The following NRXN1 variants were observed in gnomAD, a reference collection of about 807,000 sequenced individuals.
The protein encoded by NRXN1 is neurexin 1.
A neutral mutation model predicts 150.9 loss-of-function variants in NRXN1; 39 were observed. The observed-to-expected ratio is 0.26, with a 90% CI of 0.20 to 0.34. The LOEUF (loss-of-function observed/expected upper bound fraction) is 0.34, where lower values mean the gene tolerates loss of function less well. Ranked by LOEUF, NRXN1 falls within the 10% of genes least tolerant of loss-of-function variation. The pLI, the probability that NRXN1 is intolerant of heterozygous loss-of-function variation, is 1.00. For synonymous variants in NRXN1, 924 were observed against 757.0 expected (o/e 1.22, Z -3.62); for missense variants, 1,815 against 1,949.9 (o/e 0.93, Z 1.30).
chr2:50,034,309 G>T (rs2152570643), intron 21 of NRXN1, among the ~76,000 whole-genome samples: 1 of 152,192 alleles, frequency 6.6e-6, no homozygotes, highest in South Asian at 2.1e-4. Context: ...ATACTATGCA[G>T]CCATAAAAAA....
chr2:50,745,823 A>C (rs937516347), intron 5 of NRXN1, among the ~76,000 whole-genome samples: 2 of 152,262 alleles, frequency 1.3e-5, no homozygotes, highest in Non-Finnish European at 2.9e-5. Flanking sequence ...AACTACCCCC[A>C]TGATTCAATT....
Position 50,161,889 on chromosome 2 carries a change from C to T in NRXN1, c.3547-70395G>A, listed in dbSNP as rs114700534. Reference sequence around the variant, plus strand: ...GGAAAGGAAAGAAGGGAGGGGATGACGAAGTTTTGGAATTTTCTTTTGCAA... The same window carrying T: ...GGAAAGGAAAGAAGGGAGGGGATGATGAAGTTTTGGAATTTTCTTTTGCAA... On this transcript the variant is annotated intron_variant, in intron 18 of 22. Transcript: ENST00000401669. 1.3e-3 allele frequency among the ~76,000 whole-genome samples: 192 copies of T among 152,038 alleles called. 2 individuals are homozygous for T. Among genetic ancestry groups the T allele is most frequent in the African/African-American group, 4.3e-3 (177 of 41,490 alleles).
intron 18 of NRXN1, among the ~76,000 whole-genome samples, chr2:50,154,304 A>T (rs985205884): frequency 1.3e-5 from 2 of 151,742 alleles, no homozygotes; most frequent in Non-Finnish European, 2.9e-5. Context: ...AGAAATCATC[A>T]CTAAATCATT....
chr2:50,713,981 T>C (rs1033990026), intron 5 of NRXN1, among the ~76,000 whole-genome samples: 1 of 152,122 alleles, frequency 6.6e-6, no homozygotes, highest in Admixed American at 6.6e-5. Context: ...ACGATATAAA[T>C]ATTGAAGGAA....
chr2:50,685,942 T>C (rs534272661), intron 5 of NRXN1, among the ~76,000 whole-genome samples: 8 of 152,240 alleles, frequency 5.3e-5, no homozygotes, highest in African/African-American at 1.4e-4. Flanking sequence ...ATCAAAAATA[T>C]AGATCTTGCT....
intron 5 of NRXN1, among the ~76,000 whole-genome samples, chr2:50,887,014 G>C (rs1466695600): frequency 1.3e-5 from 2 of 151,246 alleles, no homozygotes; most frequent in East Asian, 3.9e-4. Flanking sequence ...AACTACAATA[G>C]AAAATAGGGG....
chr2:50,486,263 C>T (rs764909764), intron 15 of NRXN1, among the ~76,000 whole-genome samples: 9 of 152,020 alleles, frequency 5.9e-5, no homozygotes, highest in South Asian at 4.2e-4. Flanking sequence ...TTGATAATAA[C>T]GAGGATGATG....
intron 5 of NRXN1, among the ~76,000 whole-genome samples, chr2:50,819,548 C>G (rs1027223997): frequency 6.6e-6 from 1 of 151,948 alleles, no homozygotes; most frequent in Non-Finnish European, 1.5e-5. Context: ...TAGGGAGTTG[C>G]TGTTCAATGG....
In NRXN1 at chr2:50,358,039, C is replaced by A. The variant is rs569148320; in HGVS notation, c.3364+107403G>T. On this transcript the variant is annotated intron_variant, in intron 17 of 22. Coordinates refer to ENST00000401669, the MANE Select transcript of NRXN1 (RefSeq NM_001330078.2). ...AGGGACTGTGCCATGAGGGATGGTG[C>A]TATCCAGCCCACGCACTAGGCTTTT... Among the ~76,000 whole-genome samples, 5 of 152,274 alleles carry A rather than the reference C, an allele frequency of 3.3e-5. No homozygotes were observed. The East Asian group carries it at 9.7e-4, about 30-fold the overall frequency.
intron 8 of NRXN1, among the ~76,000 whole-genome samples, chr2:50,563,915 C>A (rs899520586): frequency 6.6e-6 from 1 of 152,038 alleles, no homozygotes; most frequent in African/African-American, 2.4e-5. Context: ...AGCCTGCAAA[C>A]GAAACAGGAA....
At chr2:50,828,764 G>A (rs1441636108) in intron 5 of NRXN1, among the ~76,000 whole-genome samples, 1 of 151,720 alleles carries the variant, frequency 6.6e-6, no homozygotes, top group Non-Finnish European at 1.5e-5. Flanking sequence ...CAGGCAGAGG[G>A]GCTCCTCATG....
rs557510464 is a variant in NRXN1 at position 50,952,694 on chromosome 2, G to C, written c.773-26739C>G. Among the ~76,000 whole-genome samples, 3 of 152,242 alleles carry C rather than the reference G, an allele frequency of 2.0e-5. No homozygotes were observed. In the East Asian group the frequency reaches 5.8e-4, roughly 29 times the overall value. On this transcript the variant is annotated intron_variant, in intron 2 of 22. Transcript: ENST00000401669. ...AGCATGTTTCAAAATGTCTGTGGTG[G>C]GATAAATAGATCAGCAACACACCAG...
Position 49,993,077 on chromosome 2 carries a change from G to A in NRXN1, c.4129-49286C>T, listed in dbSNP as rs148365712. 8.5e-3 allele frequency among the ~76,000 whole-genome samples: 1,289 copies of A among 152,264 alleles called. 18 individuals are homozygous for A. Among genetic ancestry groups the A allele is most frequent in the African/African-American group, 0.029 (1,210 of 41,548 alleles). ...TGCTTGGTATTTACTCCCAAAAGTT[G>A]AAAACTTACGTTCACACAAAAACCT... On this transcript the variant is annotated intron_variant, in intron 21 of 22. Transcript: ENST00000401669.
rs150069527 is a variant in NRXN1, at chr2:50,014,573, G to A, written c.4128+38698C>T. On this transcript the variant is annotated intron_variant, in intron 21 of 22. Coordinates refer to ENST00000401669, the MANE Select transcript of NRXN1 (RefSeq NM_001330078.2). ...TGTCTCCAGACATTGCCAAATACTC[G>A]AGGGCAAAATCTCCCTAGTTGAGAA... Among the ~76,000 whole-genome samples the A allele has an allele frequency of 1.7e-3, 257 of 152,178 alleles. 8 individuals are homozygous for A. The East Asian group carries it at 0.046, about 27-fold the overall frequency.
chr2:50,882,762 T>G (rs1679640709), intron 5 of NRXN1, among the ~76,000 whole-genome samples: 1 of 151,870 alleles, frequency 6.6e-6, no homozygotes, highest in East Asian at 1.9e-4. Flanking sequence ...CCATAAATTA[T>G]TATGTACCTT....
intron 21 of NRXN1, chr2:50,023,762 G>C (rs1163544898): frequency 1.3e-5 from 2 of 152,088 alleles, no homozygotes; most frequent in African/African-American, 4.8e-5. Flanking sequence ...ATCATGGTGG[G>C]TTGGATGAGG....
chr2:50,211,218 C>A (rs1176056368), intron 18 of NRXN1, among the ~76,000 whole-genome samples: 3 of 151,620 alleles, frequency 2.0e-5, no homozygotes, highest in African/African-American at 7.3e-5. Context: ...ATAGGAACTG[C>A]TGAAAAACCT....
intron 17 of NRXN1, among the ~76,000 whole-genome samples, chr2:50,453,340 A>G (rs1195669132): frequency 6.6e-6 from 1 of 152,170 alleles, no homozygotes; most frequent in Non-Finnish European, 1.5e-5. Context: ...AATGTTGACA[A>G]TGCTGATCCA....
chr2:50,693,267 C>G (rs533667492), intron 5 of NRXN1, among the ~76,000 whole-genome samples: 8 of 152,104 alleles, frequency 5.3e-5, no homozygotes, highest in Non-Finnish European at 1.2e-4. Flanking sequence ...GTGCTTAATG[C>G]CAATATGCTA....
Sources: allele counts gnomAD v4.1 joint callset (sites outside exome capture counted in the v4.1 genomes callset), GRCh38; gene constraint gnomAD v4.1.1; transcripts MANE v1.5; gene names NCBI Gene and HGNC (gene_info 2026-07-23, HGNC 2026-07-21).